GBE1: variants seen among roughly 807,000 people sequenced by gnomAD.
GBE1 encodes the protein 1,4-alpha-glucan-branching enzyme.
Under a neutral mutation model 88.8 loss-of-function variants are expected in GBE1, and 70 were observed. The observed-to-expected ratio is 0.79, with a 90% confidence interval of 0.65 to 0.96. GBE1 has a LOEUF of 0.96. GBE1 is among the 40% of genes least tolerant of loss of function. The probability of loss-of-function intolerance (pLI) is 0.00; values close to 1 mark genes in which losing one functional copy is unlikely to be tolerated. For missense variants in GBE1, 872 were observed against 871.0 expected, an observed-to-expected ratio of 1.00 and a Z score of -0.01; for synonymous variants, 284 against 300.1, an observed-to-expected ratio of 0.95 and a Z score of 0.56.
intron 2 of GBE1, among the ~76,000 whole-genome samples, chr3:81,702,954 TTTTATG>T (rs1447025351): frequency 1.3e-5 from 2 of 152,020 alleles, no homozygotes; most frequent in Non-Finnish European, 2.9e-5. Context: ...TTTCCTATAT[TTTTATG>T]TTTATAGAAA....
chr3:81,657,506 T>C (rs541571346), intron 3 of GBE1, among the ~76,000 whole-genome samples: 1 of 152,222 alleles, frequency 6.6e-6, no homozygotes, highest in Admixed American at 6.5e-5. Context: ...TTTCTATTAA[T>C]GGGGAATTAA....
chr3:81,610,889 C>A (rs1273786810), intron 7 of GBE1, among the ~76,000 whole-genome samples: 1 of 152,112 alleles, frequency 6.6e-6, no homozygotes, highest in Non-Finnish European at 1.5e-5. Context: ...CCTCCTTTAA[C>A]ATAAACCTTC....
chr3:81,683,891 TA>T (rs902735724), intron 2 of GBE1, among the ~76,000 whole-genome samples: 8 of 152,052 alleles, frequency 5.3e-5, no homozygotes, highest in Admixed American at 2.6e-4. Context: ...ATACTCCCTT[TA>T]AAAAAATAAT....
intron 7 of GBE1, 151 bp downstream of exon 7, chr3:81,642,630 C>G (rs1246469101): frequency 1.7e-6 from 1 of 601,754 alleles, no homozygotes; most frequent in Non-Finnish European, 2.9e-6. Context: ...CTATACAAAA[C>G]AAGGTAAAAT....
At chr3:81,689,914 G>A (rs971226741) in intron 2 of GBE1, among the ~76,000 whole-genome samples, 1 of 152,144 alleles carries the variant, frequency 6.6e-6, no homozygotes. Flanking sequence ...GCTTTGTGGA[G>A]GATCCCTATT....
chr3:81,691,812 C>T (rs1452754949), intron 2 of GBE1, among the ~76,000 whole-genome samples: 1 of 152,002 alleles, frequency 6.6e-6, no homozygotes, highest in African/African-American at 2.4e-5. Context: ...TAAAATAATA[C>T]AGTTGAATCA....
At chr3:81,503,756 C>A (rs957681879) in intron 14 of GBE1, among the ~76,000 whole-genome samples, 1 of 152,088 alleles carries the variant, frequency 6.6e-6, no homozygotes, top group African/African-American at 2.4e-5. Context: ...TATGCGGCAC[C>A]AATTTTATGC....
intron 14 of GBE1, among the ~76,000 whole-genome samples, chr3:81,513,828 G>A (rs1459494066): frequency 6.6e-6 from 1 of 151,548 alleles, no homozygotes; most frequent in Non-Finnish European, 1.5e-5. Flanking sequence ...CTATGAATAG[G>A]TGTTCTAGAG....
chr3:81,637,625 G>C (rs1190517763), intron 7 of GBE1, among the ~76,000 whole-genome samples: 1 of 151,938 alleles, frequency 6.6e-6, no homozygotes, highest in Non-Finnish European at 1.5e-5. Flanking sequence ...GTCATTGGGT[G>C]AATTGTTCTC....
At chr3:81,521,315 T>G (rs79529483) in intron 14 of GBE1, among the ~76,000 whole-genome samples, 332 of 151,748 alleles carry the variant, frequency 2.2e-3, no homozygotes, top group Non-Finnish European at 3.1e-3. Context: ...AATTAAAAAT[T>G]TGATGAATTT....
At chr3:81,528,658 T>C (rs987586018) in intron 14 of GBE1, among the ~76,000 whole-genome samples, 6 of 152,060 alleles carry the variant, frequency 3.9e-5, no homozygotes, top group African/African-American at 1.2e-4. Context: ...ATATGGATGC[T>C]CCAGTGTGGG....
At chr3:81,699,528 G>A (rs1390683240) in intron 2 of GBE1, among the ~76,000 whole-genome samples, 1 of 152,076 alleles carries the variant, frequency 6.6e-6, no homozygotes, top group Non-Finnish European at 1.5e-5. Flanking sequence ...GCAATGGCAA[G>A]GTTCCACAAT....
chr3:81,715,838 CTTTT>C (rs1390563213), intron 1 of GBE1, among the ~76,000 whole-genome samples: 1 of 151,740 alleles, frequency 6.6e-6, no homozygotes, highest in Non-Finnish European at 1.5e-5. Context: ...TTACATCTTT[CTTTT>C]TAAAAAAAAT....
chr3:81,646,518 C>A, intron 5 of GBE1, 36 bp from the exon 6 acceptor site: 1 of 1,158,118 alleles, frequency 8.6e-7, no homozygotes, highest in African/African-American at 1.6e-5. Flanking sequence ...AATTAAAAGC[C>A]ACATTTAAAA....
chr3:81,564,821 AT>A (rs1168631275), intron 12 of GBE1, among the ~76,000 whole-genome samples: 1 of 152,062 alleles, frequency 6.6e-6, no homozygotes, highest in Non-Finnish European at 1.5e-5. Context: ...GTCTCTCTCA[AT>A]CTTCATTTTT....
Position 81,683,261 on chromosome 3 carries a change from T to C in GBE1, c.314-12308A>G, listed in dbSNP as rs375342093. 2.6e-5 allele frequency among the ~76,000 whole-genome samples: 4 copies of C among 152,224 alleles called. No homozygotes were observed. The East Asian group carries it at 7.7e-4, about 29-fold the overall frequency. On this transcript the variant is annotated intron_variant, in intron 2 of 15. Coordinates refer to ENST00000429644, the MANE Select transcript of GBE1 (RefSeq NM_000158.4). ...GTGAATTATATCTCAATAAGGCTGT[T>C]AAAAAATAAAACTTTTTTTAAAAGT...
intron 7 of GBE1, among the ~76,000 whole-genome samples, chr3:81,620,576 T>G (rs1704313567): frequency 6.6e-6 from 1 of 152,178 alleles, no homozygotes; most frequent in Admixed American, 6.5e-5. Flanking sequence ...AACGAGCATT[T>G]ATTTGAGCAC....
intron 7 of GBE1, among the ~76,000 whole-genome samples, chr3:81,606,425 T>C (rs896326532): frequency 1.3e-5 from 2 of 152,268 alleles, no homozygotes; most frequent in African/African-American, 4.8e-5. Context: ...TAATGATTTA[T>C]GTTCAGGTCA....
intron 1 of GBE1, among the ~76,000 whole-genome samples, chr3:81,723,773 GAAC>G (rs1370209750): frequency 1.3e-5 from 2 of 152,222 alleles, no homozygotes; most frequent in Admixed American, 6.5e-5. Context: ...GCACCCTCAA[GAAC>G]AACATTATTT....
Sources: gnomAD v4.1 joint callset for allele counts (sites outside exome capture counted in the v4.1 genomes callset) on GRCh38, gnomAD v4.1.1 for gene constraint, MANE v1.5 for transcripts, NCBI Gene and HGNC (gene_info 2026-07-23, HGNC 2026-07-21) for gene names.